MPIG6B: variants seen among roughly 807,000 people sequenced by gnomAD.
MPIG6B encodes the protein immunoglobulin receptor.
MPIG6B carries 22 observed loss-of-function variants against 24.2 expected under a neutral mutation model. The observed-to-expected ratio is 0.91, with a 90% CI of 0.65 to 1.30. The LOEUF (loss-of-function observed/expected upper bound fraction) is 1.30. MPIG6B is among the 50% of genes most tolerant of loss of function. The pLI is 0.00. For missense variants in MPIG6B, 301 were observed against 318.5 expected (o/e 0.94, Z 0.42); for synonymous variants, 136 against 142.0 (o/e 0.96, Z 0.30).
intron 3 of MPIG6B, 163 bp downstream of exon 3, chr6:31,724,395 T>G: frequency 1.3e-6 from 1 of 746,716 alleles, no homozygotes; most frequent in Non-Finnish European, 2.3e-6. Flanking sequence ...GACTGGTGAG[T>G]AGAGCCCCAC....
At chr6:31,721,555 C>T (rs887855529), upstream of MPIG6B, 34 of 1,433,704 alleles carry the variant, frequency 2.4e-5, no homozygotes, top group African/African-American at 2.8e-4. Context: ...TGGGTAGGGC[C>T]GGGAAGTGGG....
upstream of MPIG6B, chr6:31,721,721 G>A: frequency 6.2e-7 from 1 of 1,607,486 alleles, no homozygotes; most frequent in Non-Finnish European, 8.5e-7. Context: ...GCAGCTGATA[G>A]AGTAGATTTT....
At chr6:31,723,183 T>G, upstream of MPIG6B, 1 of 622,940 alleles carries the variant, frequency 1.6e-6, no homozygotes, top group Non-Finnish European at 2.9e-6. This position sits in a 1 kb window ranked among gnomAD's most constrained non-coding sequence, Gnocchi z 4.3. Flanking sequence ...GAGCACACAT[T>G]TTAAGTGAGA....
At chr6:31,724,336 C>G (rs1296875412) in intron 3 of MPIG6B, 104 bp downstream of exon 3, 2 of 1,030,034 alleles carry the variant, frequency 1.9e-6, no homozygotes, top group Non-Finnish European at 2.9e-6. Context: ...GAGCTCTGGT[C>G]CTGGCTTGGC....
Position 31,723,901 on chromosome 6 carries a change from C to T in MPIG6B, c.324C>T (p.Cys108=). 2.5e-6 allele frequency: 4 copies of T among 1,602,964 alleles called. No homozygotes were observed. Among genetic ancestry groups the T allele is most frequent in the Non-Finnish European group, 3.4e-6 (4 of 1,174,428 alleles). Reference sequence around the variant, plus strand: ...CGGGGGACTCGGGCACTTTTTTCTGCAAGGGCCGCCACGAGGACGAGAGCC... The same window carrying T: ...CGGGGGACTCGGGCACTTTTTTCTGTAAGGGCCGCCACGAGGACGAGAGCC... ...LSAGDSGTFF[C]KGRHEDESRT... Residue 108 remains cysteine (C), a synonymous_variant, in exon 2 of 6, where the codon TGC becomes TGT. Transcript: ENST00000649779. The surrounding 1 kb of genome is among the most constrained non-coding windows in gnomAD (Gnocchi z 4.3).
Position 31,725,188 on chromosome 6 carries a change from T to G in MPIG6B, c.*114T>G, listed in dbSNP as rs1053980810. ...GAAGGCACCATGGTATAGAAATAAG[T>G]GCTAGACTGGGAGTTGGGAGACCTG... On this transcript the variant is annotated 3_prime_UTR_variant, in exon 6 of 6. Transcript: ENST00000649779. This position sits in a 1 kb window ranked among gnomAD's most constrained non-coding sequence, Gnocchi z 5.2. 33 of 742,228 alleles carry G rather than the reference T, an allele frequency of 4.4e-5. 1 individual carries two copies. The highest frequency in any genetic ancestry group is 2.2e-5 in the Non-Finnish European group (10 of 444,844). The allele number at this position is 742,228 out of a possible 1,614,324, so 46.0% of individuals were successfully genotyped here.
At chr6:31,722,750 G>A (rs1001126146), upstream of MPIG6B, among the ~76,000 whole-genome samples, 5 of 150,232 alleles carry the variant, frequency 3.3e-5, no homozygotes, top group Non-Finnish European at 7.4e-5. Flanking sequence ...AGCTACTCAG[G>A]AGGCTGAGAC....
At chr6:31,723,372 C>T (rs1806963532), upstream of MPIG6B, 1 of 1,611,932 alleles carries the variant, frequency 6.2e-7, no homozygotes, top group African/African-American at 1.3e-5. The surrounding 1 kb of genome is among the most constrained non-coding windows in gnomAD (Gnocchi z 4.3). Context: ...TTCTCCTCAC[C>T]ACATCCTAAC....
At chr6:31,721,229 C>T (rs1002830985), upstream of MPIG6B, among the ~76,000 whole-genome samples, 5 of 151,998 alleles carry the variant, frequency 3.3e-5, no homozygotes, top group African/African-American at 9.7e-5. Context: ...CCTAGGTCTT[C>T]GAGAGGACAC....
chr6:31,722,845 C>CAAAAAAAAAAAA (rs9281563), upstream of MPIG6B, among the ~76,000 whole-genome samples: 4 of 74,566 alleles, frequency 5.4e-5, no homozygotes, highest in East Asian at 3.8e-4. Context: ...GACTCTGACT[C>CAAAAAAAAAAAA]AAAAAAAAAA....
chr6:31,723,811 G>T lies in MPIG6B; in HGVS notation c.234G>T (p.Gln78His). 1 of 1,613,822 alleles carries T rather than the reference G, an allele frequency of 6.2e-7. No homozygotes were observed. Among genetic ancestry groups the T allele is most frequent in the South Asian group, 1.1e-5 (1 of 91,042 alleles). ...SSGTPTVPPL[Q>H]PFVGRLRSLD... is the part of the protein sequence containing the mutation. ...GGACCCCCACCGTGCCTCCCCTCCA[G>T]CCTTTCGTCGGCCGCCTACGCTCCC... The change falls in exon 2 of 6, where the codon CAG (glutamine) becomes CAT (histidine). Residue 78 changes from glutamine (Q) to histidine (H), a missense_variant. Gln to His is a conservative substitution (Grantham distance 24, BLOSUM62 0). Coordinates refer to ENST00000649779, the MANE Select transcript of MPIG6B (RefSeq NM_138272.3). The surrounding 1 kb of genome is among the most constrained non-coding windows in gnomAD (Gnocchi z 4.3).
At chr6:31,721,561 G>T, upstream of MPIG6B, 1 of 1,473,526 alleles carries the variant, frequency 6.8e-7, no homozygotes, top group African/African-American at 1.4e-5. Context: ...GGGCCGGGAA[G>T]TGGGTAGAGC....
chr6:31,721,727 A>G (rs745707757), upstream of MPIG6B: 1 of 1,598,926 alleles, frequency 6.3e-7, no homozygotes, highest in South Asian at 1.1e-5. Flanking sequence ...GATAGAGTAG[A>G]TTTTCAAGGA....
At chr6:31,723,054 T>C (rs1215829875), upstream of MPIG6B, 2 of 435,194 alleles carry the variant, frequency 4.6e-6, no homozygotes, top group Non-Finnish European at 8.5e-6. This position sits in a 1 kb window ranked among gnomAD's most constrained non-coding sequence, Gnocchi z 4.3. Context: ...CTGATCACAG[T>C]TCACTGCAAC....
At position 31,725,338 on chromosome 6, in the gene MPIG6B, T is replaced by G. The variant is rs1288385723; in HGVS notation, c.*264T>G. The G allele has an allele frequency of 4.5e-6, 2 of 449,416 alleles. No individual in the cohort carries two copies. Among genetic ancestry groups the G allele is most frequent in the Non-Finnish European group, 3.9e-6 (1 of 255,234 alleles). The allele number at this position is 449,416 out of a possible 1,614,324, so 27.8% of individuals were successfully genotyped here. ...CAATCAAGCCCTAGCTCCTTTTTTT[T>G]TTTTTTTTGAGACGGAGTCTCGCTC... On this transcript the variant is annotated 3_prime_UTR_variant, in exon 6 of 6. Transcript: ENST00000649779. The surrounding 1 kb of genome is among the most constrained non-coding windows in gnomAD (Gnocchi z 5.2).
At chr6:31,724,729 T>A in intron 4 of MPIG6B, 36 bp from the exon 5 acceptor site, 1 of 1,613,624 alleles carries the variant, frequency 6.2e-7, no homozygotes, top group South Asian at 1.1e-5. Context: ...GTTGGTCACC[T>A]TCTCTCCATC....
intron 3 of MPIG6B, 44 bp downstream of exon 3, chr6:31,724,276 A>T: frequency 6.8e-7 from 1 of 1,470,526 alleles, no homozygotes; most frequent in Non-Finnish European, 9.5e-7. Flanking sequence ...GAGTGACCAG[A>T]GGTGGAAGGG....
upstream of MPIG6B, chr6:31,723,269 T>G: frequency 2.3e-5 from 15 of 654,312 alleles, no homozygotes; most frequent in African/African-American, 3.7e-5. This position sits in a 1 kb window ranked among gnomAD's most constrained non-coding sequence, Gnocchi z 4.3. Flanking sequence ...GCCCCCTCTC[T>G]TATCGGAGCC....
upstream of MPIG6B, among the ~76,000 whole-genome samples, chr6:31,722,220 G>A (rs1030101375): frequency 1.1e-4 from 16 of 152,238 alleles, no homozygotes; most frequent in African/African-American, 2.9e-4. Flanking sequence ...GCCCCCACTC[G>A]GTCTTTCCAA....
Sources: allele counts gnomAD v4.1 joint callset (sites outside exome capture counted in the v4.1 genomes callset), GRCh38; gene constraint gnomAD v4.1.1; non-coding constraint Gnocchi (gnomAD v3.1); transcripts MANE v1.5; gene names NCBI Gene and HGNC (gene_info 2026-07-23, HGNC 2026-07-21).